The following IFT52 variants were observed in gnomAD, a reference collection of about 807,000 sequenced individuals.
The protein encoded by IFT52 is intraflagellar transport protein 52 homolog.
IFT52 carries 44 observed loss-of-function variants against 54.4 expected under a neutral mutation model. The ratio of observed to expected loss-of-function variants is 0.81; its 90% CI spans 0.63 to 1.04. IFT52 has a LOEUF of 1.04. IFT52 is among the 50% of genes least tolerant of loss of function. IFT52 has a pLI of 0.00. For synonymous variants in IFT52, 181 were observed against 185.3 expected (o/e 0.98, Z 0.19); for missense variants, 452 against 523.6 (o/e 0.86, Z 1.33).
chr20:43,619,279 G>T (rs1039657629), intron 8 of IFT52, among the ~76,000 whole-genome samples: 1 of 152,120 alleles, frequency 6.6e-6, no homozygotes, highest in Admixed American at 6.6e-5. Context: ...GGTGGGGTGG[G>T]AGCTGAGCCT....
intron 12 of IFT52, among the ~76,000 whole-genome samples, chr20:43,638,350 A>G (rs562131958): frequency 3.3e-5 from 5 of 152,048 alleles, no homozygotes; most frequent in African/African-American, 1.2e-4. Context: ...ACCGCCACGC[A>G]TGGCTAATTT....
intron 10 of IFT52, among the ~76,000 whole-genome samples, chr20:43,633,439 G>A (rs1985310677): frequency 6.6e-6 from 1 of 152,042 alleles, no homozygotes; most frequent in South Asian, 2.1e-4. Flanking sequence ...GCTGGGCACA[G>A]TGGCTCACAC....
intron 8 of IFT52, 115 bp downstream of exon 8, chr20:43,619,141 A>G: frequency 1.4e-6 from 1 of 715,726 alleles, no homozygotes; most frequent in Non-Finnish European, 2.3e-6. Flanking sequence ...AACCCATTAT[A>G]TGCCAGGCAC....
intron 7 of IFT52, among the ~76,000 whole-genome samples, chr20:43,617,146 C>CT (rs1299856030): frequency 1.3e-5 from 2 of 152,050 alleles, no homozygotes; most frequent in South Asian, 2.1e-4. Flanking sequence ...TTCTGAATTA[C>CT]TTTTTTGTGA....
intron 6 of IFT52, among the ~76,000 whole-genome samples, chr20:43,611,029 T>C (rs1568741330): frequency 6.9e-6 from 1 of 144,142 alleles, no homozygotes; most frequent in Admixed American, 6.9e-5. Flanking sequence ...GCCCTACTTG[T>C]TGTTGCGTTA....
At chr20:43,634,795 C>T (rs1314192376) in intron 10 of IFT52, among the ~76,000 whole-genome samples, 1 of 152,150 alleles carries the variant, frequency 6.6e-6, no homozygotes, top group Non-Finnish European at 1.5e-5. Flanking sequence ...TCCCTCCTCC[C>T]AACCTCCAAC....
chr20:43,612,239 C>T (rs986783568), intron 6 of IFT52, among the ~76,000 whole-genome samples: 4 of 151,886 alleles, frequency 2.6e-5, no homozygotes, highest in Admixed American at 6.6e-5. Flanking sequence ...TGCTTCTGGC[C>T]CAGAGATCAT....
chr20:43,610,939 A>G (rs1177827518), intron 6 of IFT52, among the ~76,000 whole-genome samples: 1 of 152,188 alleles, frequency 6.6e-6, no homozygotes, highest in Non-Finnish European at 1.5e-5. Flanking sequence ...TAGTGGGGAT[A>G]ATGTTAACCT....
Position 43,602,138 on chromosome 20 carries a change from TTTTA to T in IFT52, c.208-1618_208-1615del, listed in dbSNP as rs370142730. Reference sequence around the variant, plus strand: ...CAGAGGAAATGGACTTTGAGCTGATTTTTATTTTATTTATTTATTTATTTATTTA... The same window carrying T: ...CAGAGGAAATGGACTTTGAGCTGATTTTTTATTTATTTATTTATTTATTTA... On this transcript the variant is annotated intron_variant, in intron 3 of 13. Transcript: ENST00000373030. Among the ~76,000 whole-genome samples, 365 of 56,874 alleles carry T rather than the reference TTTTA, an allele frequency of 6.4e-3. 4 individuals carry two copies. Among genetic ancestry groups the T allele is most frequent in the East Asian group, 0.024 (31 of 1,302 alleles). The allele number at this position is 56,874 out of a possible 152,430, so 37.3% of individuals were successfully genotyped here.
chr20:43,606,552 A>T (rs943139708), intron 6 of IFT52, among the ~76,000 whole-genome samples: 1 of 151,634 alleles, frequency 6.6e-6, no homozygotes, highest in Non-Finnish European at 1.5e-5. Flanking sequence ...GGGATAAGTG[A>T]ACATCTTTGT....
At chr20:43,616,425 C>T (rs1222580074) in intron 7 of IFT52, among the ~76,000 whole-genome samples, 2 of 151,050 alleles carry the variant, frequency 1.3e-5, no homozygotes, top group Non-Finnish European at 2.9e-5. Flanking sequence ...AAGAGAATCA[C>T]TTGAACCCTG....
chr20:43,642,403 C>G (rs1985975004), intron 12 of IFT52, 76 bp from the exon 13 acceptor site: 45 of 1,381,050 alleles, frequency 3.3e-5, no homozygotes, highest in Non-Finnish European at 4.4e-5. Flanking sequence ...CAGGGCATAC[C>G]TGAAACACAC....
At chr20:43,596,894 C>G (rs1982010870) in intron 3 of IFT52, among the ~76,000 whole-genome samples, 1 of 151,528 alleles carries the variant, frequency 6.6e-6, no homozygotes, top group African/African-American at 2.4e-5. Flanking sequence ...AGGTGCCCAC[C>G]ACCACGCCCG....
intron 10 of IFT52, 93 bp downstream of exon 10, chr20:43,624,138 T>A: frequency 7.7e-7 from 1 of 1,305,060 alleles, no homozygotes; most frequent in Non-Finnish European, 1.1e-6. Flanking sequence ...AGGGTCACAG[T>A]AAATGTGGCA....
chr20:43,609,171 G>C (rs1351842073), intron 6 of IFT52, among the ~76,000 whole-genome samples: 1 of 151,436 alleles, frequency 6.6e-6, no homozygotes, highest in Non-Finnish European at 1.5e-5. Flanking sequence ...GAACCCAGAA[G>C]GTTGAGGCTG....
chr20:43,642,363 T>G, intron 12 of IFT52, 116 bp from the exon 13 acceptor site: 1 of 887,878 alleles, frequency 1.1e-6, no homozygotes, highest in Non-Finnish European at 1.8e-6. Flanking sequence ...TAGGAAGAGG[T>G]GAGTGATCTT....
intron 1 of IFT52, among the ~76,000 whole-genome samples, chr20:43,591,368 C>G (rs1468551613): frequency 6.6e-6 from 1 of 152,236 alleles, no homozygotes. Context: ...TGGGAAAATA[C>G]TGATTTGACT....
intron 2 of IFT52, among the ~76,000 whole-genome samples, chr20:43,595,997 A>G (rs1255470352): frequency 6.6e-6 from 1 of 152,276 alleles, no homozygotes; most frequent in African/African-American, 2.4e-5. Context: ...TATTCTAATT[A>G]TACACATGTA....
chr20:43,617,354 T>C lies in IFT52; in HGVS notation c.613-1586T>C, dbSNP rs573428756. On this transcript the variant is annotated intron_variant, in intron 7 of 13. Transcript: ENST00000373030. ...ATTTATCTGATAGGAAAAAGTACTT[T>C]GTTTTTATTTGTTAAAAGTTACAAG... Among the ~76,000 whole-genome samples, 7 of 152,330 alleles carry C rather than the reference T, an allele frequency of 4.6e-5. No individual in the cohort carries two copies. In the East Asian group the frequency reaches 1.2e-3, roughly 25 times the overall value.
Sources: gnomAD v4.1 joint callset for allele counts (sites outside exome capture counted in the v4.1 genomes callset) on GRCh38, gnomAD v4.1.1 for gene constraint, MANE v1.5 for transcripts, NCBI Gene and HGNC (gene_info 2026-07-23, HGNC 2026-07-21) for gene names.